Variants in SYT7 observed in about 807,000 individuals in gnomAD.
SYT7 encodes synaptotagmin-7.
In SYT7, 29 loss-of-function variants were observed where a neutral mutation model predicts 75.1. The observed-to-expected ratio is 0.39, with a 90% CI of 0.29 to 0.53. The LOEUF (loss-of-function observed/expected upper bound fraction) is 0.53. Ranked by LOEUF, SYT7 falls within the 20% of genes least tolerant of loss-of-function variation. The pLI is 0.77. For synonymous variants in SYT7, 376 were observed against 401.7 expected (o/e 0.94, Z 0.76); for missense variants, 693 against 953.2 (o/e 0.73, Z 3.59).
intron 1 of SYT7, among the ~76,000 whole-genome samples, chr11:61,579,939 C>T (rs1284598743): frequency 1.3e-5 from 2 of 152,200 alleles, no homozygotes; most frequent in Non-Finnish European, 2.9e-5. Context: ...TACAGGTGGG[C>T]ACTGGGTGAG....
In SYT7 at chr11:61,551,441, A is replaced by G; in HGVS notation, c.158T>C (p.Leu53Ser). The change falls in exon 3 of 13, where the codon TTG becomes TCG. Residue 53 changes from leucine to serine, a missense_variant. Coordinates refer to ENST00000539008, the MANE Select transcript of SYT7 (RefSeq NM_001365809.2). This position sits in a 1 kb window ranked among gnomAD's most constrained non-coding sequence, Gnocchi z 5.3. ...RKLGKRYKNS[L>S]ETVGTPDSGR... ...TGAGTCTGGCGTGCCCACCGTCTCC[A>G]AGGAATTCTTGTAGCGTTTGCCCTG... 1 of 1,613,820 alleles carries G rather than the reference A, an allele frequency of 6.2e-7. No individual in the cohort carries two copies.
At chr11:61,537,125 G>T (rs2062891132) in intron 7 of SYT7, among the ~76,000 whole-genome samples, 1 of 152,204 alleles carries the variant, frequency 6.6e-6, no homozygotes. Context: ...GGGCTGCCAG[G>T]CCCCATGCTC....
rs1443800202 is a variant in SYT7 at position 61,556,084 on chromosome 11, G to C, written c.135+20C>G. The C allele has an allele frequency of 1.9e-6, 3 of 1,607,012 alleles. No individual in the cohort carries two copies. The Admixed American group carries it at 5.0e-5, about 27-fold the overall frequency. On this transcript the variant is annotated intron_variant, in intron 2 of 12. Coordinates refer to ENST00000539008, the MANE Select transcript of SYT7 (RefSeq NM_001365809.2). ...TGCAGGGCTAGGCACCACCCTCCAA[G>C]GGGCCCTCAGGAGCCTCACCAGTTT... is the stretch of plus-strand genomic sequence containing the variant.
At position 61,553,618 on chromosome 11, in the gene SYT7, C is replaced by T. The variant is rs2063413954; in HGVS notation, c.136-2155G>A. Among the ~76,000 whole-genome samples the T allele has an allele frequency of 6.6e-6, 1 of 152,166 alleles. No homozygotes were observed. Among genetic ancestry groups the T allele is most frequent in the Non-Finnish European group, 1.5e-5 (1 of 68,030 alleles). On this transcript the variant is annotated intron_variant, in intron 2 of 12. Coordinates refer to ENST00000539008, the MANE Select transcript of SYT7 (RefSeq NM_001365809.2). This position sits in a 1 kb window ranked among gnomAD's most constrained non-coding sequence, Gnocchi z 5.2. ...GGTGCTATGGGGGACAGGAACCAGG[C>T]CAGGACTTGATGTGGAGGGCAGGGG...
chr11:61,547,433 G>T, intron 3 of SYT7, 125 bp from the exon 4 acceptor site: 1 of 1,120,124 alleles, frequency 8.9e-7, no homozygotes, highest in Non-Finnish European at 1.2e-6. Flanking sequence ...GGGCTTCGTG[G>T]GTCAGCTCCT....
rs372840313 is a variant in SYT7 at position 61,551,377 on chromosome 11, C to T, written c.215+7G>A. On this transcript the variant is annotated splice_region_variant and intron_variant, in intron 3 of 12. Transcript: ENST00000539008. The surrounding 1 kb of genome is among the most constrained non-coding windows in gnomAD (Gnocchi z 5.3). The stretch of plus-strand genomic sequence containing the variant: ...GCCCCATCCCAAACTAGCAGCCTGG[C>T]ACCTACTTGATAGCCTTCTTCTCAC... 1.2e-6 allele frequency: 2 copies of T among 1,613,480 alleles called. No individual in the cohort carries two copies. Among genetic ancestry groups the T allele is most frequent in the African/African-American group, 2.7e-5 (2 of 74,884 alleles).
chr11:61,562,241 A>G (rs1041903390), intron 1 of SYT7, among the ~76,000 whole-genome samples: 19 of 152,132 alleles, frequency 1.2e-4, no homozygotes, highest in Non-Finnish European at 2.2e-4. Context: ...AGTTCCCAGC[A>G]TACTGGGCCT....
At position 61,542,707 on chromosome 11, in the gene SYT7, C is replaced by T. The variant is rs951496706; in HGVS notation, c.573-128G>A. The T allele has an allele frequency of 3.6e-6, 5 of 1,371,158 alleles. No homozygotes were observed. The East Asian group carries it at 1.2e-4, about 32-fold the overall frequency. The allele number at this position is 1,371,158 out of a possible 1,614,324, so 84.9% of individuals were successfully genotyped here. On this transcript the variant is annotated intron_variant, in intron 5 of 12. Coordinates refer to ENST00000539008, the MANE Select transcript of SYT7 (RefSeq NM_001365809.2). This position sits in a 1 kb window ranked among gnomAD's most constrained non-coding sequence, Gnocchi z 7.8. ...GTGCGCGCTGCCGGACCTCGCCAGG[C>T]CTCCATCGGAGCTGTCGCCACCGCC...
At chr11:61,563,170 C>T (rs2063684364) in intron 1 of SYT7, among the ~76,000 whole-genome samples, 1 of 152,210 alleles carries the variant, frequency 6.6e-6, no homozygotes, top group Non-Finnish European at 1.5e-5. Context: ...CTGGAATTCT[C>T]TCCCCATGAA....
At position 61,533,092 on chromosome 11, in the gene SYT7, G is replaced by T. The variant is rs1565174816; in HGVS notation, c.1097C>A (p.Ala366Asp). Residue 366 changes from alanine to aspartate, a missense_variant, in exon 8 of 13, where the codon GCC becomes GAC. Ala to Asp is a moderately radical substitution (Grantham distance 126). Coordinates refer to ENST00000539008, the MANE Select transcript of SYT7 (RefSeq NM_001365809.2). ...GTGGGGTGTCTGGCCTGGCACGGGG[G>T]CTGTGTTCACCGCCTTCCCTCCTGC... ...LPAGGKAVNT[A>D]PVPGQTPHDE... is the part of the protein sequence containing the mutation. 1 of 1,608,860 alleles carries T rather than the reference G, an allele frequency of 6.2e-7. No individual in the cohort carries two copies. The highest frequency in any genetic ancestry group is 1.1e-5 in the South Asian group (1 of 90,828).
rs999979431 is a variant in SYT7, at chr11:61,542,770, C to T, written c.573-191G>A. On this transcript the variant is annotated intron_variant, in intron 5 of 12. Coordinates refer to ENST00000539008, the MANE Select transcript of SYT7 (RefSeq NM_001365809.2). The surrounding 1 kb of genome is among the most constrained non-coding windows in gnomAD (Gnocchi z 7.8). Reference sequence around the variant, plus strand: ...GCCTCGCCCAGGAGGCTGCAAAGCCCTCGCGCCCACCCTGAGGCCCCAGGC... The same window carrying T: ...GCCTCGCCCAGGAGGCTGCAAAGCCTTCGCGCCCACCCTGAGGCCCCAGGC... Among the ~76,000 whole-genome samples, 1 of 152,210 alleles carries T rather than the reference C, an allele frequency of 6.6e-6. No individual in the cohort carries two copies. Among genetic ancestry groups the T allele is most frequent in the African/African-American group, 2.4e-5 (1 of 41,452 alleles).
chr11:61,543,943 A>G (rs539050920), intron 5 of SYT7, among the ~76,000 whole-genome samples: 1 of 152,166 alleles, frequency 6.6e-6, no homozygotes, highest in African/African-American at 2.4e-5. Flanking sequence ...TCCACCTCTC[A>G]ATCCAGTGGT....
In SYT7 at chr11:61,542,402, G is replaced by T. The variant is rs1215019236; in HGVS notation, c.750C>A (p.Gly250=). The T allele has an allele frequency of 1.3e-6, 2 of 1,532,154 alleles. No individual in the cohort carries two copies. The highest frequency in any genetic ancestry group is 4.9e-5 in the East Asian group (2 of 40,808). The allele number at this position is 1,532,154 out of a possible 1,614,324, so 94.9% of individuals were successfully genotyped here. ...CCGAGGCCATGTGGGCCTGCAGCTGGCCCAGGCTCTGGCTGGTGGTGGGCT... is the reference window on the plus strand; with the variant it reads ...CCGAGGCCATGTGGGCCTGCAGCTGTCCCAGGCTCTGGCTGGTGGTGGGCT... ...PSQPTTSQSL[G]QLQAHMASAP... Residue 250 remains glycine, a synonymous_variant, in exon 6 of 13, where the codon GGC becomes GGA. Transcript: ENST00000539008. This position sits in a 1 kb window ranked among gnomAD's most constrained non-coding sequence, Gnocchi z 7.8.
At chr11:61,534,441 G>A (rs1565176306) in intron 7 of SYT7, among the ~76,000 whole-genome samples, 7 of 30,032 alleles carry the variant, frequency 2.3e-4, no homozygotes, top group African/African-American at 1.1e-3. Flanking sequence ...ACACGCACAC[G>A]CACGCACACA....
intron 8 of SYT7, chr11:61,530,879 A>G: frequency 1.0e-6 from 1 of 985,336 alleles, no homozygotes; most frequent in Non-Finnish European, 1.2e-6. Flanking sequence ...CAGGTTGGCC[A>G]CCCCATCACA....
chr11:61,554,380 C>T (rs2063433927), intron 2 of SYT7, among the ~76,000 whole-genome samples: 1 of 152,112 alleles, frequency 6.6e-6, no homozygotes, highest in Non-Finnish European at 1.5e-5. Context: ...TTGACTCACA[C>T]AGGGATCTGA....
chr11:61,534,398 CAT>C (rs966327612), intron 7 of SYT7, among the ~76,000 whole-genome samples: 10 of 151,870 alleles, frequency 6.6e-5, no homozygotes, highest in Non-Finnish European at 1.2e-4. Flanking sequence ...CATGCACACA[CAT>C]GTACACACGC....
chr11:61,533,156 C>A lies in SYT7; in HGVS notation c.1065-32G>T, dbSNP rs774365254. 6 of 1,542,448 alleles carry A rather than the reference C, an allele frequency of 3.9e-6. No individual in the cohort carries two copies. The Admixed American group carries it at 7.2e-5, about 18-fold the overall frequency. On this transcript the variant is annotated intron_variant, in intron 7 of 12. Transcript: ENST00000539008. The stretch of plus-strand genomic sequence containing the variant: ...GCAGGGGAGTCCAAATGAGATTGGG[C>A]TGGGAAGTGAGCTGCGTTGGGCACC...
At chr11:61,531,251 T>A (rs2062697026) in intron 8 of SYT7, among the ~76,000 whole-genome samples, 1 of 152,216 alleles carries the variant, frequency 6.6e-6, no homozygotes, top group African/African-American at 2.4e-5. Context: ...GAGAGGGAGA[T>A]GAGGCCTGCC....
Sources: allele counts gnomAD v4.1 joint callset (sites outside exome capture counted in the v4.1 genomes callset), GRCh38; gene constraint gnomAD v4.1.1; non-coding constraint Gnocchi (gnomAD v3.1); transcripts MANE v1.5; gene names NCBI Gene and HGNC (gene_info 2026-07-23, HGNC 2026-07-21).